Variants in PHF21A observed in about 807,000 individuals in gnomAD.
The protein encoded by PHF21A is BHC80a.
In PHF21A, 11 loss-of-function variants were observed where a neutral mutation model predicts 82.5. The observed-to-expected ratio is 0.13, with a 90% CI of 0.08 to 0.22. The LOEUF is 0.22. PHF21A is among the 10% of genes least tolerant of loss of function. The probability of loss-of-function intolerance (pLI) is 1.00; values close to 1 mark genes in which losing one functional copy is unlikely to be tolerated. For synonymous variants in PHF21A, 297 were observed against 302.8 expected (o/e 0.98, Z 0.20); for missense variants, 579 against 837.8 (o/e 0.69, Z 3.81).
At chr11:45,956,445 A>C (rs2092645450) in intron 10 of PHF21A, among the ~76,000 whole-genome samples, 1 of 152,072 alleles carries the variant, frequency 6.6e-6, no homozygotes, top group Non-Finnish European at 1.5e-5. Flanking sequence ...TTTTTCCTTC[A>C]TTGTCACTGG....
At position 46,084,281 on chromosome 11, in the gene PHF21A, CA is replaced by C; in HGVS notation, c.-63del. On this transcript the variant is annotated 5_prime_UTR_variant, in exon 4 of 19. Transcript: ENST00000676320. ...TTTCTTCAGCCTCTGTTTAAAGTAA[CA>C]AACTCCTCTTCTCACTGCAGCTGTA... 1 of 1,250,348 alleles carries C rather than the reference CA, an allele frequency of 8.0e-7. No homozygotes were observed. The highest frequency in any genetic ancestry group is 2.1e-5 in the Admixed American group (1 of 47,706). 77.5% of individuals were successfully genotyped at this position (1,250,348 alleles called of 1,614,324 possible).
chr11:46,068,671 A>G (rs1031076656), intron 6 of PHF21A, among the ~76,000 whole-genome samples: 1 of 152,220 alleles, frequency 6.6e-6, no homozygotes, highest in African/African-American at 2.4e-5. Flanking sequence ...CAAAGTGGAA[A>G]AAAAAAATAC....
intron 6 of PHF21A, among the ~76,000 whole-genome samples, chr11:46,056,965 A>G (rs2096466011): frequency 6.6e-6 from 1 of 152,122 alleles, no homozygotes; most frequent in Non-Finnish European, 1.5e-5. Flanking sequence ...CTTAAAGATA[A>G]CTGATTTTAT....
At chr11:46,034,803 A>T (rs527556563) in intron 6 of PHF21A, among the ~76,000 whole-genome samples, 1 of 152,294 alleles carries the variant, frequency 6.6e-6, no homozygotes, top group African/African-American at 2.4e-5. Context: ...GTTTCCCAGG[A>T]TATAGTGATT....
At chr11:46,051,551 CT>C (rs1007491836) in intron 6 of PHF21A, among the ~76,000 whole-genome samples, 1 of 152,178 alleles carries the variant, frequency 6.6e-6, no homozygotes, top group African/African-American at 2.4e-5. Context: ...AAACAGAGTA[CT>C]CTAACTTTGG....
At chr11:45,992,323 G>T (rs1369579770) in intron 6 of PHF21A, among the ~76,000 whole-genome samples, 2 of 151,242 alleles carry the variant, frequency 1.3e-5, no homozygotes, top group Non-Finnish European at 2.9e-5. Flanking sequence ...ATGAGGTCAG[G>T]AGATCAAGAC....
At chr11:46,065,945 T>C (rs2096588740) in intron 6 of PHF21A, among the ~76,000 whole-genome samples, 1 of 152,210 alleles carries the variant, frequency 6.6e-6, no homozygotes. Flanking sequence ...GACTATGCCA[T>C]GAGATGTTAG....
intron 18 of PHF21A, chr11:45,935,053 C>T (rs1230868598): frequency 8.4e-7 from 1 of 1,196,272 alleles, no homozygotes; most frequent in South Asian, 1.3e-5. Context: ...CTGGGAGAAG[C>T]CTCTGTCCCC....
intron 3 of PHF21A, among the ~76,000 whole-genome samples, chr11:46,086,473 G>A (rs1170090396): frequency 6.6e-6 from 1 of 152,054 alleles, no homozygotes; most frequent in Non-Finnish European, 1.5e-5. Flanking sequence ...ATAAATATCA[G>A]AATCATTAAG....
intron 6 of PHF21A, among the ~76,000 whole-genome samples, chr11:46,044,921 A>T (rs758313325): frequency 2.0e-5 from 3 of 152,210 alleles, no homozygotes; most frequent in Non-Finnish European, 2.9e-5. Context: ...ATAGGAACTG[A>T]TCGAAGCTTT....
At chr11:45,941,828 T>A (rs566405525) in intron 15 of PHF21A, among the ~76,000 whole-genome samples, 5 of 152,330 alleles carry the variant, frequency 3.3e-5, no homozygotes, top group African/African-American at 1.2e-4. Flanking sequence ...ACTCTGGCAA[T>A]ACCAACTGCA....
chr11:46,058,344 G>A (rs751040961), intron 6 of PHF21A, among the ~76,000 whole-genome samples: 6 of 152,086 alleles, frequency 3.9e-5, no homozygotes, highest in East Asian at 1.9e-4. Context: ...TTGGTAAAAC[G>A]AAACCTGATT....
chr11:46,040,311 C>T (rs1198064508), intron 6 of PHF21A, among the ~76,000 whole-genome samples: 3 of 152,122 alleles, frequency 2.0e-5, no homozygotes, highest in African/African-American at 7.2e-5. Flanking sequence ...GAAGGAAATA[C>T]CTGCACTACA....
At chr11:46,044,278 A>G (rs1261139088) in intron 6 of PHF21A, among the ~76,000 whole-genome samples, 1 of 152,152 alleles carries the variant, frequency 6.6e-6, no homozygotes, top group Non-Finnish European at 1.5e-5. Flanking sequence ...TACATTATTA[A>G]ACCAAATGTA....
intron 1 of PHF21A, among the ~76,000 whole-genome samples, chr11:46,102,292 T>C (rs1372631260): frequency 2.0e-5 from 3 of 152,238 alleles, no homozygotes. Flanking sequence ...TAACTCAACA[T>C]GTAACCATAA....
At chr11:46,079,033 C>T (rs1271598010) in intron 5 of PHF21A, 101 bp downstream of exon 5, 11 of 656,838 alleles carry the variant, frequency 1.7e-5, no homozygotes, top group Non-Finnish European at 2.8e-5. Flanking sequence ...TGAAATAATT[C>T]TTAAAAGTTA....
At chr11:46,112,592 G>A (rs1302088839) in intron 1 of PHF21A, among the ~76,000 whole-genome samples, 2 of 152,120 alleles carry the variant, frequency 1.3e-5, no homozygotes, top group Non-Finnish European at 2.9e-5. Context: ...ACATTTTCAA[G>A]TATTAAATTT....
intron 6 of PHF21A, among the ~76,000 whole-genome samples, chr11:46,042,807 C>T (rs549993491): frequency 2.4e-4 from 37 of 152,094 alleles, no homozygotes; most frequent in Admixed American, 2.2e-3. Flanking sequence ...TATGTCCTCA[C>T]AGCAAGAAGG....
intron 1 of PHF21A, among the ~76,000 whole-genome samples, chr11:46,099,572 C>CACACACCCT (rs1288085831): frequency 1.8e-5 from 2 of 111,392 alleles, no homozygotes; most frequent in South Asian, 3.5e-4. Flanking sequence ...ACCCTAAACA[C>CACACACCCT]AAACACAAAC....
Sources: allele counts gnomAD v4.1 joint callset (sites outside exome capture counted in the v4.1 genomes callset), GRCh38; gene constraint gnomAD v4.1.1; transcripts MANE v1.5; gene names NCBI Gene and HGNC (gene_info 2026-07-23, HGNC 2026-07-21).